The following MYH3 variants were observed in gnomAD, a reference collection of about 807,000 sequenced individuals.
MYH3 encodes the protein myosin heavy chain 3, also known as myosin-3.
MYH3 carries 130 observed loss-of-function variants against 238.0 expected under a neutral mutation model. That is an observed-to-expected ratio of 0.55 (90% CI 0.47 to 0.63). The LOEUF is 0.63. Ranked by LOEUF, MYH3 falls within the 30% of genes least tolerant of loss-of-function variation. MYH3 has a pLI of 0.00. For missense variants in MYH3, 1,853 were observed against 2,374.9 expected (o/e 0.78, Z 4.57); for synonymous variants, 880 against 924.1 (o/e 0.95, Z 0.86).
At chr17:10,633,924 G>A in intron 32 of MYH3, 93 bp downstream of exon 32, 2 of 1,539,594 alleles carry the variant, frequency 1.3e-6, no homozygotes, top group African/African-American at 2.7e-5. Context: ...CATGTGTGCA[G>A]GAAACTGAGT....
In MYH3 at chr17:10,644,388, A is replaced by G. The variant is rs1567558788; in HGVS notation, c.1373T>C (p.Ile458Thr). The G allele has an allele frequency of 1.2e-6, 2 of 1,614,096 alleles. No homozygotes were observed. Among genetic ancestry groups the G allele is most frequent in the Admixed American group, 1.7e-5 (1 of 60,030 alleles). Reference protein sequence around the residue: ...LDTKLPRQHFIGVLDIAGFEI... With the variant: ...LDTKLPRQHFTGVLDIAGFEI... ...AAAGCCTGCAATGTCCAAAACACCA[A>G]TGAAGTGTTGTCTTGGAAGCTTCGT... Residue 458 changes from isoleucine to threonine, a missense_variant, in exon 14 of 41, where the codon ATT becomes ACT. Physicochemically the swap from Ile to Thr is moderately conservative, Grantham distance 89. Coordinates refer to ENST00000583535, the MANE Select transcript of MYH3 (RefSeq NM_002470.4).
chr17:10,665,917 A>T, the MYH3 span, among the ~76,000 whole-genome samples: 1 of 152,252 alleles, frequency 6.6e-6, no homozygotes, highest in Non-Finnish European at 1.5e-5. Context: ...CAGACTGACC[A>T]GCGGAACAGC....
chr17:10,662,584 A>G, the MYH3 span, among the ~76,000 whole-genome samples: 1 of 152,198 alleles, frequency 6.6e-6, no homozygotes, highest in Non-Finnish European at 1.5e-5. Context: ...GTTTTACCCA[A>G]TAAAATTAGT....
At chr17:10,657,639 C>CGCG (rs139395359), upstream of MYH3, among the ~76,000 whole-genome samples, 2,047 of 152,282 alleles carry the variant, frequency 0.013, 46 homozygotes, top group African/African-American at 0.046. Flanking sequence ...ACACCCTGAA[C>CGCG]GCGGCGTGAG....
the MYH3 span, chr17:10,675,535 T>C: frequency 2.0e-5 from 3 of 152,182 alleles, no homozygotes; most frequent in African/African-American, 4.8e-5. Flanking sequence ...TTTTTATGTA[T>C]GTAAATCATC....
Position 10,652,481 on chromosome 17 carries a change from T to G in MYH3, c.287A>C (p.His96Pro). 1 of 1,614,058 alleles carries G rather than the reference T, an allele frequency of 6.2e-7. No homozygotes were observed. The highest frequency in any genetic ancestry group is 8.5e-7 in the Non-Finnish European group (1 of 1,180,006). The change falls in exon 4 of 41, where the codon CAC becomes CCC. Residue 96 changes from histidine to proline, a missense_variant. Transcript: ENST00000583535. Reference protein sequence around the residue: ...DRIEDMAMLTHLNEPAVLYNL... With the variant: ...DRIEDMAMLTPLNEPAVLYNL... Reference sequence around the variant, plus strand: ...GTACAGCACGGCTGGCTCATTCAGGTGCGTCAGCATGGCCATGTCTTCGAT... The same window carrying G: ...GTACAGCACGGCTGGCTCATTCAGGGGCGTCAGCATGGCCATGTCTTCGAT...
chr17:10,634,037 C>T lies in MYH3; in HGVS notation c.4502G>A (p.Arg1501Gln), dbSNP rs1409569353. The T allele has an allele frequency of 9.9e-6, 16 of 1,614,084 alleles. No individual in the cohort carries two copies. The highest frequency in any genetic ancestry group is 1.3e-5 in the Non-Finnish European group (15 of 1,180,040). The change falls in exon 32 of 41, where the codon CGG becomes CAG. Residue 1501 changes from arginine (R) to glutamine (Q), a missense_variant. Coordinates refer to ENST00000583535, the MANE Select transcript of MYH3 (RefSeq NM_002470.4). ...CTTACGCTCTAAGTTCTTATTTTCCCGTTTCACAGTTTCAAGTTGATCTAA... is the reference window on the plus strand; with the variant it reads ...CTTACGCTCTAAGTTCTTATTTTCCTGTTTCACAGTTTCAAGTTGATCTAA... ...EALDQLETVK[R>Q]ENKNLEQEIA...
chr17:10,650,481 G>C, intron 5 of MYH3, 80 bp from the exon 6 acceptor site: 1 of 1,298,202 alleles, frequency 7.7e-7, no homozygotes, highest in Non-Finnish European at 1.1e-6. Flanking sequence ...CAAGTAGCCA[G>C]AGTTAAATTG....
intron 14 of MYH3, among the ~76,000 whole-genome samples, chr17:10,643,457 C>G (rs1455109191): frequency 6.6e-6 from 1 of 151,962 alleles, no homozygotes; most frequent in Non-Finnish European, 1.5e-5. Flanking sequence ...CTCACTGCAA[C>G]CTCCGCCTCC....
Position 10,649,569 on chromosome 17 carries a change from A to G in MYH3, c.642+8T>C, listed in dbSNP as rs370685666. The G allele has an allele frequency of 1.7e-4, 265 of 1,587,828 alleles. 1 individual carries two copies. The highest frequency in any genetic ancestry group is 2.0e-4 in the Non-Finnish European group (229 of 1,155,976). On this transcript the variant is annotated splice_region_variant and intron_variant, in intron 7 of 40. Transcript: ENST00000583535. ...GAAGCAAAGCAAGCCTTCCTCTCCC[A>G]TCTATACCTTCATTTTGGAGTCCTT...
chr17:10,664,604 C>T, the MYH3 span, among the ~76,000 whole-genome samples: 5 of 152,098 alleles, frequency 3.3e-5, no homozygotes, highest in South Asian at 4.2e-4. Flanking sequence ...AATGAGTTGA[C>T]GGGGAAACCT....
chr17:10,651,141 C>T (rs1017242988), intron 5 of MYH3, among the ~76,000 whole-genome samples: 18 of 148,628 alleles, frequency 1.2e-4, no homozygotes, highest in Non-Finnish European at 1.6e-4. Flanking sequence ...GCCGAGATCA[C>T]ACCACTGCAC....
intron 8 of MYH3, 61 bp from the exon 9 acceptor site, chr17:10,647,487 A>G: frequency 6.4e-7 from 1 of 1,564,650 alleles, no homozygotes; most frequent in Non-Finnish European, 8.8e-7. Context: ...GTTCCTATTC[A>G]TCTTATGGGT....
At chr17:10,646,819 G>A (rs367691689) in intron 10 of MYH3, among the ~76,000 whole-genome samples, 2 of 152,224 alleles carry the variant, frequency 1.3e-5, no homozygotes, top group East Asian at 3.9e-4. Flanking sequence ...AGGCCGAGTC[G>A]GGCAAATTGC....
intron 36 of MYH3, 100 bp from the exon 37 acceptor site, chr17:10,630,558 A>C (rs928037899): frequency 1.3e-6 from 2 of 1,565,682 alleles, no homozygotes; most frequent in Non-Finnish European, 1.8e-6. Flanking sequence ...CATGCTAAAG[A>C]AAAAGGACAG....
At chr17:10,631,365 A>T (rs2074155071) in intron 36 of MYH3, among the ~76,000 whole-genome samples, 5 of 152,244 alleles carry the variant, frequency 3.3e-5, no homozygotes, top group Admixed American at 3.3e-4. Context: ...CAGATGTTGA[A>T]GGAAAGACAT....
At chr17:10,632,894 AAT>A (rs1483073967) in intron 33 of MYH3, 110 bp from the exon 34 acceptor site, 8 of 1,212,234 alleles carry the variant, frequency 6.6e-6, no homozygotes, top group Non-Finnish European at 8.5e-6. Flanking sequence ...CTAATCCTAC[AAT>A]AGTCACAATT....
At chr17:10,643,847 ATCT>A (rs1332815899) in intron 14 of MYH3, among the ~76,000 whole-genome samples, 3 of 152,036 alleles carry the variant, frequency 2.0e-5, no homozygotes, top group African/African-American at 7.2e-5. Flanking sequence ...CTTGATAGAC[ATCT>A]TCTCCTCTTT....
At chr17:10,632,822 T>C (rs369780087) in intron 33 of MYH3, 38 bp from the exon 34 acceptor site, 2 of 1,605,552 alleles carry the variant, frequency 1.2e-6, no homozygotes, top group African/African-American at 1.3e-5. Context: ...GTGTCTGTGA[T>C]GGTATGGAGC....
Sources: allele counts gnomAD v4.1 joint callset (sites outside exome capture counted in the v4.1 genomes callset), GRCh38; gene constraint gnomAD v4.1.1; transcripts MANE v1.5; gene names NCBI Gene and HGNC (gene_info 2026-07-23, HGNC 2026-07-21).